GAST: variants seen among roughly 807,000 people sequenced by gnomAD.
GAST encodes gastrin, also known as preprogastrin.
GAST carries 9 observed loss-of-function variants against 12.5 expected under a neutral mutation model. That is an observed-to-expected ratio of 0.72 (90% CI 0.43 to 1.25). The LOEUF (loss-of-function observed/expected upper bound fraction) is 1.25. Among genes scored for constraint, GAST ranks in the 50% most tolerant of loss-of-function variants. The probability of loss-of-function intolerance (pLI) is 0.00; values close to 1 mark genes in which losing one functional copy is unlikely to be tolerated. For missense variants in GAST, 121 were observed against 127.7 expected (o/e 0.95, Z 0.25); for synonymous variants, 52 against 51.1 (o/e 1.02, Z -0.08).
rs202173406 is a variant in GAST at position 41,715,528 on chromosome 17, A to G, written c.92A>G (p.Asp31Gly). ...TGGAAGCCCCGCTCCCAGCAGCCAG[A>G]TGCACCCTTAGGTACAGGGGCCAAC... ...ASWKPRSQQP[D>G]APLGTGANRD... is the part of the protein sequence containing the mutation. Residue 31 changes from aspartate (D) to glycine (G), a missense_variant, in exon 2 of 3, where the codon GAT (aspartate) becomes GGT (glycine). Transcript: ENST00000329402. 3 of 1,613,630 alleles carry G rather than the reference A, an allele frequency of 1.9e-6. No individual in the cohort carries two copies. In the South Asian group the frequency reaches 3.3e-5, roughly 18 times the overall value.
intron 1 of GAST, among the ~76,000 whole-genome samples, chr17:41,713,682 C>T (rs1555585473): frequency 6.6e-6 from 1 of 151,670 alleles, no homozygotes; most frequent in Non-Finnish European, 1.5e-5. Flanking sequence ...GCCTGGGAGA[C>T]AGAGCAAGAT....
intron 1 of GAST, among the ~76,000 whole-genome samples, chr17:41,712,994 C>A (rs1910888937): frequency 6.6e-6 from 1 of 152,032 alleles, no homozygotes; most frequent in Non-Finnish European, 1.5e-5. Context: ...CAGTGACATG[C>A]AACCTCTGCC....
chr17:41,715,572 T>G lies in GAST; in HGVS notation c.136T>G (p.Trp46Gly). ...GGCCAACAGGGACCTGGAGCTACCC[T>G]GGCTGGAGCAGCAGGGCCCAGCCTC... ...TGANRDLELP[W>G]LEQQGPASHH... is the part of the protein sequence containing the mutation. The change falls in exon 2 of 3, where the codon TGG (tryptophan) becomes GGG (glycine). Residue 46 changes from tryptophan (W) to glycine (G), a missense_variant. Trp to Gly is a radical substitution (Grantham distance 184). Transcript: ENST00000329402. 6.2e-7 allele frequency: 1 copy of G among 1,613,600 alleles called. No individual in the cohort carries two copies. The highest frequency in any genetic ancestry group is 1.1e-5 in the South Asian group (1 of 91,086).
At position 41,715,693 on chromosome 17, in the gene GAST, G is replaced by T. The variant is rs532313920; in HGVS notation, c.211+46G>T. On this transcript the variant is annotated intron_variant, in intron 2 of 2. Coordinates refer to ENST00000329402, the MANE Select transcript of GAST (RefSeq NM_000805.5). ...TGCTTGCCTCACTTGGCCAGGTTTG[G>T]CCAAGGTCTCCCCAGACTGGCTCTG... is the stretch of plus-strand genomic sequence containing the variant. The T allele has an allele frequency of 7.5e-5, 121 of 1,605,892 alleles. No individual in the cohort carries two copies. In the South Asian group the frequency reaches 1.3e-3, roughly 17 times the overall value.
intron 1 of GAST, 111 bp from the exon 2 acceptor site, chr17:41,715,321 T>G: frequency 1.3e-6 from 1 of 749,740 alleles, no homozygotes; most frequent in Non-Finnish European, 2.2e-6. Context: ...AAAGAAAGAA[T>G]TGCACACTCA....
chr17:41,712,998 C>A (rs1418686459), intron 1 of GAST, among the ~76,000 whole-genome samples: 1 of 152,074 alleles, frequency 6.6e-6, no homozygotes. Context: ...GACATGCAAC[C>A]TCTGCCTCCC....
intron 1 of GAST, among the ~76,000 whole-genome samples, chr17:41,713,491 G>T (rs1555585435): frequency 6.6e-6 from 1 of 152,176 alleles, no homozygotes; most frequent in Non-Finnish European, 1.5e-5. Flanking sequence ...AGGAGTTCCA[G>T]ACCAGCCTGG....
chr17:41,712,935 T>C (rs1910886098), intron 1 of GAST, among the ~76,000 whole-genome samples: 1 of 151,442 alleles, frequency 6.6e-6, no homozygotes, highest in Non-Finnish European at 1.5e-5. Flanking sequence ...GTTGTTGTTG[T>C]TGTTTGTTTT....
At position 41,715,953 on chromosome 17, in the gene GAST, A is replaced by G. The variant is rs1555585908; in HGVS notation, c.*81A>G. ...TCCCCTGAAAAACTGATCAAAAATAAACTAGTTTCCAGTGGATCAATGGAC... is the reference window on the plus strand; with the variant it reads ...TCCCCTGAAAAACTGATCAAAAATAGACTAGTTTCCAGTGGATCAATGGAC... On this transcript the variant is annotated 3_prime_UTR_variant, in exon 3 of 3. Transcript: ENST00000329402. 4 of 1,125,968 alleles carry G rather than the reference A, an allele frequency of 3.6e-6. No individual in the cohort carries two copies. The highest frequency in any genetic ancestry group is 5.1e-6 in the Non-Finnish European group (4 of 785,978). The allele number at this position is 1,125,968 out of a possible 1,614,324, so 69.7% of individuals were successfully genotyped here.
chr17:41,715,625 G>A lies in GAST; in HGVS notation c.189G>A (p.Gln63=). ...ATCATCGAAGGCAGCTGGGACCCCAGGGTCCCCCACACCTCGTGGCAGGTA... is the reference window on the plus strand; with the variant it reads ...ATCATCGAAGGCAGCTGGGACCCCAAGGTCCCCCACACCTCGTGGCAGGTA... The part of the protein sequence containing the change: ...ASHHRRQLGP[Q]GPPHLVADPS... The change falls in exon 2 of 3, where the codon CAG becomes CAA. Residue 63 remains glutamine, a synonymous_variant. Coordinates refer to ENST00000329402, the MANE Select transcript of GAST (RefSeq NM_000805.5). The A allele has an allele frequency of 6.8e-6, 11 of 1,613,674 alleles. No homozygotes were observed. The highest frequency in any genetic ancestry group is 9.3e-6 in the Non-Finnish European group (11 of 1,179,900).
In GAST at chr17:41,713,965, A is replaced by G. The variant is rs182895845; in HGVS notation, c.-5-1467A>G. On this transcript the variant is annotated intron_variant, in intron 1 of 2. Coordinates refer to ENST00000329402, the MANE Select transcript of GAST (RefSeq NM_000805.5). Reference sequence around the variant, plus strand: ...ACATAATTGCTAATGGTGACAGCTTAATTTTTTCTTAACTGCTTCATTATA... The same window carrying G: ...ACATAATTGCTAATGGTGACAGCTTGATTTTTTCTTAACTGCTTCATTATA... 1.7e-3 allele frequency among the ~76,000 whole-genome samples: 264 copies of G among 152,266 alleles called. 1 individual carries two copies. The highest frequency in any genetic ancestry group is 6.3e-3 in the African/African-American group (262 of 41,548).
intron 1 of GAST, among the ~76,000 whole-genome samples, chr17:41,713,660 C>T (rs1910908475): frequency 6.6e-6 from 1 of 152,116 alleles, no homozygotes; most frequent in Non-Finnish European, 1.5e-5. Context: ...TCACGCCAGC[C>T]ACTGCATTCC....
chr17:41,713,584 C>A (rs187563281), intron 1 of GAST, among the ~76,000 whole-genome samples: 1 of 152,078 alleles, frequency 6.6e-6, no homozygotes, highest in African/African-American at 2.4e-5. Context: ...GTAGTCCCAA[C>A]TACTCAGGAG....
chr17:41,715,170 C>T (rs1910940491), intron 1 of GAST, among the ~76,000 whole-genome samples: 1 of 152,012 alleles, frequency 6.6e-6, no homozygotes, highest in African/African-American at 2.4e-5. Flanking sequence ...CATGGTGGCA[C>T]GTGCCTATAG....
chr17:41,715,535 C>T lies in GAST; in HGVS notation c.99C>T (p.Pro33=), dbSNP rs1910955862. 6.2e-7 allele frequency: 1 copy of T among 1,613,498 alleles called. No individual in the cohort carries two copies. The highest frequency in any genetic ancestry group is 8.5e-7 in the Non-Finnish European group (1 of 1,180,040). ...CCCGCTCCCAGCAGCCAGATGCACC[C>T]TTAGGTACAGGGGCCAACAGGGACC... is the stretch of plus-strand genomic sequence containing the variant. ...WKPRSQQPDA[P]LGTGANRDLE... Residue 33 remains proline (P), a synonymous_variant, in exon 2 of 3, where the codon CCC becomes CCT. Coordinates refer to ENST00000329402, the MANE Select transcript of GAST (RefSeq NM_000805.5).
intron 1 of GAST, among the ~76,000 whole-genome samples, chr17:41,715,021 C>G (rs1910937720): frequency 6.6e-6 from 1 of 151,960 alleles, no homozygotes; most frequent in Non-Finnish European, 1.5e-5. Flanking sequence ...CAGACTCACC[C>G]GGGTGCGGTG....
chr17:41,715,065 G>A (rs577528663), intron 1 of GAST, among the ~76,000 whole-genome samples: 35 of 152,264 alleles, frequency 2.3e-4, no homozygotes, highest in African/African-American at 7.0e-4. Flanking sequence ...TTGGGAGGCC[G>A]AGGCGGGTGG....
chr17:41,713,973 CT>C lies in GAST; in HGVS notation c.-5-1457del, dbSNP rs373458181. Reference sequence around the variant, plus strand: ...GCTAATGGTGACAGCTTAATTTTTTCTTAACTGCTTCATTATAATCACAGGA... The same window carrying C: ...GCTAATGGTGACAGCTTAATTTTTTCTAACTGCTTCATTATAATCACAGGA... On this transcript the variant is annotated intron_variant, in intron 1 of 2. Transcript: ENST00000329402. Among the ~76,000 whole-genome samples the C allele has an allele frequency of 1.1e-3, 165 of 152,248 alleles. 3 individuals carry two copies. Among genetic ancestry groups the C allele is most frequent in the African/African-American group, 3.5e-3 (144 of 41,556 alleles).
At chr17:41,714,312 A>G (rs1910919964) in intron 1 of GAST, among the ~76,000 whole-genome samples, 1 of 152,100 alleles carries the variant, frequency 6.6e-6, no homozygotes. Flanking sequence ...AGCTGGGAAT[A>G]CAGGTGCATG....
Sources: gnomAD v4.1 joint callset for allele counts (sites outside exome capture counted in the v4.1 genomes callset) on GRCh38, gnomAD v4.1.1 for gene constraint, MANE v1.5 for transcripts, NCBI Gene and HGNC (gene_info 2026-07-23, HGNC 2026-07-21) for gene names.